Variants in CDH18 observed in about 807,000 individuals in gnomAD.
CDH18 encodes cadherin 18, also known as cadherin-18.
CDH18 carries 31 observed loss-of-function variants against 67.9 expected under a neutral mutation model. The ratio of observed to expected loss-of-function variants is 0.46; its 90% confidence interval spans 0.34 to 0.62. The LOEUF is 0.62. Among genes scored for constraint, CDH18 ranks in the 20% least tolerant of loss-of-function variants. The pLI is 0.01. For synonymous variants in CDH18, 362 were observed against 347.2 expected, an observed-to-expected ratio of 1.04 and a Z score of -0.48; for missense variants, 890 against 975.5, an observed-to-expected ratio of 0.91 and a Z score of 1.17.
chr5:19,741,061 T>A (rs1448083735), intron 4 of CDH18, among the ~76,000 whole-genome samples: 3 of 35,980 alleles, frequency 8.3e-5, no homozygotes, highest in East Asian at 2.2e-3. Flanking sequence ...ATATGTTTAC[T>A]GTTGAAATTA....
chr5:20,416,648 G>A (rs1322399004), intron 1 of CDH18, among the ~76,000 whole-genome samples: 1 of 152,146 alleles, frequency 6.6e-6, no homozygotes, highest in Non-Finnish European at 1.5e-5. Flanking sequence ...ATGCGCAAAA[G>A]GCTGACTCAG....
chr5:20,047,684 C>T (rs1741030003), intron 2 of CDH18, among the ~76,000 whole-genome samples: 1 of 151,702 alleles, frequency 6.6e-6, no homozygotes, highest in Non-Finnish European at 1.5e-5. Flanking sequence ...ACAGAAAAGC[C>T]ATTAGGAAGC....
intron 2 of CDH18, among the ~76,000 whole-genome samples, chr5:20,013,993 C>A (rs1737674947): frequency 1.3e-5 from 2 of 152,068 alleles, no homozygotes; most frequent in South Asian, 4.1e-4. Context: ...GCTCAATGTA[C>A]TATTTTAGAG....
chr5:19,669,317 A>C (rs948461205), intron 5 of CDH18, among the ~76,000 whole-genome samples: 4 of 148,094 alleles, frequency 2.7e-5, no homozygotes, highest in African/African-American at 9.9e-5. Flanking sequence ...TTTGAGATGG[A>C]GTTTCATTCT....
intron 1 of CDH18, among the ~76,000 whole-genome samples, chr5:20,525,801 T>TAC (rs61256041): frequency 0.033 from 4,962 of 148,884 alleles, 99 homozygotes; most frequent in Middle Eastern, 0.046. Flanking sequence ...GCTTCCACTA[T>TAC]ACACACACAC....
At chr5:19,634,604 T>A (rs567301829) in intron 5 of CDH18, among the ~76,000 whole-genome samples, 1 of 152,172 alleles carries the variant, frequency 6.6e-6, no homozygotes, top group African/African-American at 2.4e-5. Context: ...GATGACTAAA[T>A]AATATAATCA....
chr5:19,921,913 T>A (rs888093721), intron 2 of CDH18, among the ~76,000 whole-genome samples: 1 of 137,904 alleles, frequency 7.3e-6, no homozygotes, highest in Non-Finnish European at 1.5e-5. Context: ...ACTCGATGAT[T>A]TTTTTTTTTA....
rs543734989 is a variant in CDH18 at position 20,001,968 on chromosome 5, T to A, written c.-517-9954A>T. ...CACTGTCATTGTCCTTCTCTGTCTA[T>A]CTAAAGATTCCTCAGGCTGCCAATA... On this transcript the variant is annotated intron_variant, in intron 2 of 14. Transcript: ENST00000507958. Among the ~76,000 whole-genome samples, 100 of 152,310 alleles carry A rather than the reference T, an allele frequency of 6.6e-4. 2 individuals carry two copies. Among genetic ancestry groups the A allele is most frequent in the African/African-American group, 2.4e-3 (98 of 41,572 alleles).
chr5:20,064,038 A>T (rs1342684907), intron 2 of CDH18, among the ~76,000 whole-genome samples: 2 of 152,178 alleles, frequency 1.3e-5, no homozygotes. Flanking sequence ...CTTATGTTGT[A>T]TTGTAATTTG....
At chr5:20,052,387 A>G (rs1741506421) in intron 2 of CDH18, among the ~76,000 whole-genome samples, 1 of 152,084 alleles carries the variant, frequency 6.6e-6, no homozygotes. Flanking sequence ...GTTTCAGTTG[A>G]CATACTATCA....
chr5:19,906,825 T>A (rs1437149153), intron 2 of CDH18, among the ~76,000 whole-genome samples: 1 of 151,878 alleles, frequency 6.6e-6, no homozygotes, highest in African/African-American at 2.4e-5. Context: ...ATAAATAAAA[T>A]CCACAACCAA....
At chr5:19,785,689 T>A (rs71578721) in intron 3 of CDH18, among the ~76,000 whole-genome samples, 1,136 of 33,510 alleles carry the variant, frequency 0.034, 24 homozygotes, top group African/African-American at 0.042. Context: ...AATATATATA[T>A]ATATATATAT....
At chr5:20,013,618 A>G (rs550129733) in intron 2 of CDH18, among the ~76,000 whole-genome samples, 1 of 152,216 alleles carries the variant, frequency 6.6e-6, no homozygotes, top group African/African-American at 2.4e-5. Context: ...CCATCAAAAA[A>G]ATAGTTAAGT....
At chr5:20,565,322 A>G (rs1377631640) in intron 1 of CDH18, among the ~76,000 whole-genome samples, 1 of 152,174 alleles carries the variant, frequency 6.6e-6, no homozygotes, top group East Asian at 1.9e-4. Flanking sequence ...GTAAAATTTT[A>G]GTAGAAAGAG....
intron 7 of CDH18, 78 bp from the exon 8 acceptor site, chr5:19,571,910 T>C: frequency 8.7e-7 from 1 of 1,144,972 alleles, no homozygotes; most frequent in African/African-American, 1.6e-5. Context: ...CAAATATGCA[T>C]TATTTTTTCC....
At chr5:19,997,574 T>C (rs142421827) in intron 2 of CDH18, among the ~76,000 whole-genome samples, 2 of 152,262 alleles carry the variant, frequency 1.3e-5, no homozygotes, top group East Asian at 1.9e-4. Context: ...GAGAGTAACA[T>C]AATGTGTCCA....
intron 1 of CDH18, among the ~76,000 whole-genome samples, chr5:20,536,523 C>T (rs1421105951): frequency 6.6e-6 from 1 of 152,130 alleles, no homozygotes; most frequent in Non-Finnish European, 1.5e-5. Context: ...GTGCTGTAGG[C>T]CTGAACGGTG....
At chr5:19,489,351 G>C (rs571456793) in intron 11 of CDH18, among the ~76,000 whole-genome samples, 55 of 150,528 alleles carry the variant, frequency 3.7e-4, no homozygotes, top group Non-Finnish European at 7.5e-4. Flanking sequence ...GGGTTCAAGC[G>C]ATTCTCCTGC....
chr5:20,318,264 A>C (rs1273695004), intron 1 of CDH18, among the ~76,000 whole-genome samples: 3 of 151,964 alleles, frequency 2.0e-5, no homozygotes, highest in Non-Finnish European at 2.9e-5. Flanking sequence ...ATTTCTTTTT[A>C]CTCTACCAAA....
Sources: allele counts gnomAD v4.1 joint callset (sites outside exome capture counted in the v4.1 genomes callset), GRCh38; gene constraint gnomAD v4.1.1; transcripts MANE v1.5; gene names NCBI Gene and HGNC (gene_info 2026-07-23, HGNC 2026-07-21).